The following SPOCK3 variants were observed in gnomAD, a reference collection of about 807,000 sequenced individuals.
SPOCK3 encodes SPARC (osteonectin), cwcv and kazal like domains proteoglycan 3.
SPOCK3 carries 30 observed loss-of-function variants against 56.6 expected under a neutral mutation model. The ratio of observed to expected loss-of-function variants is 0.53; its 90% CI spans 0.40 to 0.72. The LOEUF (loss-of-function observed/expected upper bound fraction) is 0.72, where lower values mean the gene tolerates loss of function less well. SPOCK3 is among the 30% of genes least tolerant of loss of function. The pLI is 0.00. For missense variants in SPOCK3, 527 were observed against 530.0 expected (o/e 0.99, Z 0.06); for synonymous variants, 196 against 183.3 (o/e 1.07, Z -0.56).
intron 2 of SPOCK3, among the ~76,000 whole-genome samples, chr4:167,087,843 T>A (rs1758339055): frequency 6.6e-6 from 1 of 152,202 alleles, no homozygotes; most frequent in Non-Finnish European, 1.5e-5. Flanking sequence ...TTATTTATAA[T>A]CTAAATAAAA....
chr4:166,773,272 T>A (rs1034946725), intron 7 of SPOCK3, among the ~76,000 whole-genome samples: 1 of 152,152 alleles, frequency 6.6e-6, no homozygotes, highest in African/African-American at 2.4e-5. Flanking sequence ...TAAAGGAAAA[T>A]CTTTTTAAGC....
Position 167,019,607 on chromosome 4 carries a change from G to A in SPOCK3, c.236-19144C>T, listed in dbSNP as rs573367706. ...TTATTTGCATTTAGTTTTTTATCCC[G>A]AATTCTTAAATATAAAAGTAGTAAG... On this transcript the variant is annotated intron_variant, in intron 3 of 10. Coordinates refer to ENST00000357545, the MANE Select transcript of SPOCK3 (RefSeq NM_001040159.2). Among the ~76,000 whole-genome samples the A allele has an allele frequency of 2.9e-3, 446 of 151,632 alleles. 1 individual carries two copies. Among genetic ancestry groups the A allele is most frequent in the African/African-American group, 9.9e-3 (410 of 41,336 alleles).
intron 2 of SPOCK3, among the ~76,000 whole-genome samples, chr4:167,114,952 T>A (rs984042684): frequency 6.6e-6 from 1 of 151,768 alleles, no homozygotes; most frequent in Non-Finnish European, 1.5e-5. Context: ...GATGCACACA[T>A]GAAAATTATG....
Position 167,190,583 on chromosome 4 carries a change from T to C in SPOCK3, c.189+43402A>G, listed in dbSNP as rs140508726. 6.5e-3 allele frequency among the ~76,000 whole-genome samples: 953 copies of C among 146,142 alleles called. 88 individuals are homozygous for C. Among genetic ancestry groups the C allele is most frequent in the Non-Finnish European group, 9.9e-3 (663 of 66,802 alleles). Reference sequence around the variant, plus strand: ...GGTTGCCTTTTCATTTTCTTGATTATTTGCTTTGCGATGAAGAAGCTTTTT... The same window carrying C: ...GGTTGCCTTTTCATTTTCTTGATTACTTGCTTTGCGATGAAGAAGCTTTTT... On this transcript the variant is annotated intron_variant, in intron 2 of 10. Transcript: ENST00000357545.
At chr4:167,118,482 TAG>T (rs1483689261) in intron 2 of SPOCK3, among the ~76,000 whole-genome samples, 5 of 152,218 alleles carry the variant, frequency 3.3e-5, no homozygotes, top group Non-Finnish European at 7.3e-5. Context: ...AGTGACGTTA[TAG>T]AGTCAGAAGG....
intron 2 of SPOCK3, among the ~76,000 whole-genome samples, chr4:167,104,594 A>G (rs917767207): frequency 6.6e-6 from 1 of 152,112 alleles, no homozygotes; most frequent in African/African-American, 2.4e-5. Flanking sequence ...GATCTAGAAA[A>G]TAGACAACAA....
chr4:166,751,822 C>G (rs1310251276), intron 8 of SPOCK3, among the ~76,000 whole-genome samples: 1 of 151,970 alleles, frequency 6.6e-6, no homozygotes, highest in Non-Finnish European at 1.5e-5. Flanking sequence ...GCTAAAATCC[C>G]AAATTGATAT....
At chr4:167,021,910 C>T (rs1220883880) in intron 3 of SPOCK3, among the ~76,000 whole-genome samples, 1 of 152,022 alleles carries the variant, frequency 6.6e-6, no homozygotes, top group Non-Finnish European at 1.5e-5. Flanking sequence ...AATTCTCCTT[C>T]GGTGGGTATT....
chr4:167,162,900 G>A (rs1765440202), intron 2 of SPOCK3, among the ~76,000 whole-genome samples: 1 of 151,858 alleles, frequency 6.6e-6, no homozygotes, highest in South Asian at 2.1e-4. Flanking sequence ...CTTTGGAAGA[G>A]ATTACAGGTG....
chr4:166,968,947 G>A (rs1261306095), intron 4 of SPOCK3, among the ~76,000 whole-genome samples: 1 of 152,134 alleles, frequency 6.6e-6, no homozygotes, highest in African/African-American at 2.4e-5. Context: ...GCTGCCCAAG[G>A]TCATGACAGC....
At chr4:167,132,525 A>G (rs1239859234) in intron 2 of SPOCK3, among the ~76,000 whole-genome samples, 1 of 152,242 alleles carries the variant, frequency 6.6e-6, no homozygotes, top group African/African-American at 2.4e-5. Context: ...AAAAGTCCTT[A>G]GCCTTTGAAG....
At chr4:166,953,763 T>C (rs1355385442) in intron 4 of SPOCK3, among the ~76,000 whole-genome samples, 2 of 152,086 alleles carry the variant, frequency 1.3e-5, no homozygotes, top group Non-Finnish European at 2.9e-5. Flanking sequence ...CCACAAAAAA[T>C]GATGAGTTCA....
Position 167,186,636 on chromosome 4 carries a change from A to G in SPOCK3, c.189+47349T>C, listed in dbSNP as rs1262844205. Among the ~76,000 whole-genome samples, 9 of 151,850 alleles carry G rather than the reference A, an allele frequency of 5.9e-5. No individual in the cohort carries two copies. The South Asian group carries it at 1.5e-3, about 25-fold the overall frequency. On this transcript the variant is annotated intron_variant, in intron 2 of 10. Coordinates refer to ENST00000357545, the MANE Select transcript of SPOCK3 (RefSeq NM_001040159.2). ...GAGCAAAACTCTGTCTCAAAAACAA[A>G]AAACAAACAACAACAACAAAAAAAA...
chr4:167,014,278 T>A lies in SPOCK3; in HGVS notation c.236-13815A>T, dbSNP rs942601482. ...AAATTCTACTTTTTCTTGAGTGGGT[T>A]TTTTTTTTTTTGTCTATTTTAAGGT... On this transcript the variant is annotated intron_variant, in intron 3 of 10. Coordinates refer to ENST00000357545, the MANE Select transcript of SPOCK3 (RefSeq NM_001040159.2). 3.4e-4 allele frequency among the ~76,000 whole-genome samples: 6 copies of A among 17,438 alleles called. No individual in the cohort carries two copies. The Admixed American group carries it at 5.4e-3, about 16-fold the overall frequency. The allele number at this position is 17,438 out of a possible 152,430, so 11.4% of individuals were successfully genotyped here. A position where few individuals can be genotyped will look rare whatever the true frequency, so the allele number is the denominator to read the frequency against.
rs1231942727 is a variant in SPOCK3, at chr4:166,908,503, T to C, written c.474+4117A>G. On this transcript the variant is annotated intron_variant, in intron 5 of 10. Transcript: ENST00000357545. ...TGCAGTCTAAAATAGGTAAGCTTTATATTTGCCTTCCTTCAAAACCATGCA... is the reference window on the plus strand; with the variant it reads ...TGCAGTCTAAAATAGGTAAGCTTTACATTTGCCTTCCTTCAAAACCATGCA... 2.8e-5 allele frequency among the ~76,000 whole-genome samples: 4 copies of C among 143,330 alleles called. No homozygotes were observed. In the East Asian group the frequency reaches 6.3e-4, roughly 23 times the overall value. The allele number at this position is 143,330 out of a possible 152,430, so 94.0% of individuals were successfully genotyped here.
chr4:167,056,119 G>A (rs1017741676), intron 3 of SPOCK3, among the ~76,000 whole-genome samples: 4 of 152,184 alleles, frequency 2.6e-5, no homozygotes, highest in Admixed American at 6.5e-5. Context: ...CCAGAGGAAC[G>A]ATCAGACAGC....
chr4:166,817,935 T>G (rs1744541632), intron 6 of SPOCK3, among the ~76,000 whole-genome samples: 1 of 151,316 alleles, frequency 6.6e-6, no homozygotes, highest in Non-Finnish European at 1.5e-5. Context: ...TCTTAACTCT[T>G]TAAAATTACC....
intron 8 of SPOCK3, among the ~76,000 whole-genome samples, chr4:166,753,203 A>T (rs995747298): frequency 6.6e-6 from 1 of 152,004 alleles, no homozygotes; most frequent in Non-Finnish European, 1.5e-5. Flanking sequence ...AAAAATAAAA[A>T]TAAAAAATTA....
chr4:166,767,023 T>A (rs1398783762), intron 7 of SPOCK3, among the ~76,000 whole-genome samples: 2 of 152,212 alleles, frequency 1.3e-5, no homozygotes, highest in Non-Finnish European at 2.9e-5. Flanking sequence ...TTCTGTGGGA[T>A]CGGTGGTGAT....
Sources: allele counts gnomAD v4.1 joint callset (sites outside exome capture counted in the v4.1 genomes callset), GRCh38; gene constraint gnomAD v4.1.1; transcripts MANE v1.5; gene names NCBI Gene and HGNC (gene_info 2026-07-23, HGNC 2026-07-21).